The following PLD4 variants were observed in gnomAD, a reference collection of about 807,000 sequenced individuals.
PLD4 encodes 5'-3' exonuclease PLD4.
In PLD4, 54 loss-of-function variants were observed where a neutral mutation model predicts 52.3. The ratio of observed to expected loss-of-function variants is 1.03; its 90% confidence interval spans 0.83 to 1.30. The LOEUF (loss-of-function observed/expected upper bound fraction) is 1.30. PLD4 is among the 50% of genes most tolerant of loss of function. The probability of loss-of-function intolerance (pLI) is 0.00; values close to 1 mark genes in which losing one functional copy is unlikely to be tolerated. For missense variants in PLD4, 731 were observed against 671.1 expected (o/e 1.09, Z -0.99); for synonymous variants, 264 against 286.5 (o/e 0.92, Z 0.79).
At chr14:104,925,771 G>A (rs1411125811) in intron 1 of PLD4, among the ~76,000 whole-genome samples, 2 of 152,052 alleles carry the variant, frequency 1.3e-5, no homozygotes, top group African/African-American at 4.8e-5. Context: ...CCTCTGTGGG[G>A]TGGGGGGAGC....
chr14:104,929,945 C>G lies in PLD4; in HGVS notation c.590-33C>G, dbSNP rs747447906. The G allele has an allele frequency of 4.3e-6, 7 of 1,611,696 alleles. No individual in the cohort carries two copies. The Admixed American group carries it at 1.2e-4, about 27-fold the overall frequency. The stretch of plus-strand genomic sequence containing the variant: ...CCATGAAGCTAGCACTTAGCAAGAC[C>G]TAGTTCATCCCATTGCCTGAACTCT... On this transcript the variant is annotated intron_variant, in intron 5 of 10. Transcript: ENST00000392593.
intron 5 of PLD4, 143 bp from the exon 6 acceptor site, chr14:104,929,834 TG>T: frequency 1.0e-6 from 1 of 966,828 alleles, no homozygotes; most frequent in Non-Finnish European, 1.5e-6. Flanking sequence ...ACCTATAAAA[TG>T]GGGATGAGGA....
At position 104,930,816 on chromosome 14, in the gene PLD4, C is replaced by T. The variant is rs773523411; in HGVS notation, c.792C>T (p.Tyr264=). 9.3e-6 allele frequency: 15 copies of T among 1,613,436 alleles called. No homozygotes were observed. Among genetic ancestry groups the T allele is most frequent in the Non-Finnish European group, 1.2e-5 (14 of 1,180,024 alleles). ...AQDLEKTFQT[Y]WVLGVPKAVL... ...ACCTGGAGAAGACCTTCCAGACCTA[C>T]TGGGTACTGGGGGTGCCCAAGGCTG... Residue 264 remains tyrosine (Y), a synonymous_variant, in exon 7 of 11, where the codon TAC becomes TAT. Transcript: ENST00000392593.
Position 104,928,944 on chromosome 14 carries a change from C to G in PLD4, c.468+12C>G, listed in dbSNP as rs1389251971. 2 of 1,578,736 alleles carry G rather than the reference C, an allele frequency of 1.3e-6. No individual in the cohort carries two copies. The highest frequency in any genetic ancestry group is 2.7e-5 in the African/African-American group (2 of 74,276). ...CGTCTTCCCAGCTGGTGCGCCCCGCCCTGGCCCCACCGCATCCTGGTGCTG... is the reference window on the plus strand; with the variant it reads ...CGTCTTCCCAGCTGGTGCGCCCCGCGCTGGCCCCACCGCATCCTGGTGCTG... On this transcript the variant is annotated intron_variant, in intron 4 of 10. Coordinates refer to ENST00000392593, the MANE Select transcript of PLD4 (RefSeq NM_138790.5).
chr14:104,930,820 G>A lies in PLD4; in HGVS notation c.796G>A (p.Val266Ile), dbSNP rs371082417. 6.8e-6 allele frequency: 11 copies of A among 1,613,434 alleles called. No individual in the cohort carries two copies. The African/African-American group carries it at 1.3e-4, about 20-fold the overall frequency. ...GGAGAAGACCTTCCAGACCTACTGG[G>A]TACTGGGGGTGCCCAAGGCTGTCCT... ...DLEKTFQTYWVLGVPKAVLPK... is the reference protein window; with the variant it reads ...DLEKTFQTYWILGVPKAVLPK... The change falls in exon 7 of 11, where the codon GTA (valine) becomes ATA (isoleucine). Residue 266 changes from valine to isoleucine, a missense_variant. Val to Ile is a conservative substitution (Grantham distance 29, BLOSUM62 3). Coordinates refer to ENST00000392593, the MANE Select transcript of PLD4 (RefSeq NM_138790.5).
chr14:104,926,938 C>T (rs1020179), intron 1 of PLD4, among the ~76,000 whole-genome samples: 4,096 of 152,296 alleles, frequency 0.027, 196 homozygotes, highest in African/African-American at 0.093. Context: ...TGGCCGGCTG[C>T]GGGCTCCAAC....
downstream of PLD4, chr14:104,933,517 C>CTTGG: frequency 6.6e-6 from 1 of 150,406 alleles, no homozygotes; most frequent in South Asian, 2.1e-4. Flanking sequence ...GCGGAGCCCA[C>CTTGG]GCCCGGGACT....
At chr14:104,927,893 G>A in intron 3 of PLD4, 27 bp downstream of exon 3, 1 of 1,525,264 alleles carries the variant, frequency 6.6e-7, no homozygotes, top group Non-Finnish European at 8.8e-7. Context: ...AGGCCTGCGG[G>A]GGCAGGTCTC....
At chr14:104,927,978 C>T (rs1897515933) in intron 3 of PLD4, 112 bp downstream of exon 3, 1 of 1,205,108 alleles carries the variant, frequency 8.3e-7, no homozygotes, top group African/African-American at 1.5e-5. Context: ...CCAGCTCCTC[C>T]AGGAAGGTGC....
intron 6 of PLD4, chr14:104,930,486 T>A: frequency 3.4e-6 from 2 of 584,800 alleles, no homozygotes; most frequent in Non-Finnish European, 6.1e-6. Context: ...AATGGCTTGA[T>A]GCATTTTCTA....
chr14:104,932,450 G>T lies in PLD4; in HGVS notation c.1321+95G>T, dbSNP rs2582533. The T allele has an allele frequency of 7.3e-6, 10 of 1,373,258 alleles. No homozygotes were observed. In the Admixed American group the frequency reaches 1.1e-4, roughly 15 times the overall value. The allele number at this position is 1,373,258 out of a possible 1,614,324, so 85.1% of individuals were successfully genotyped here. ...TGTGACCGGCGTGGACACCTCAGGA[G>T]GGAGGGGCTGCTGCTGAAGGGGGAC... On this transcript the variant is annotated intron_variant, in intron 10 of 10. Transcript: ENST00000392593. The surrounding 1 kb of genome is among the most constrained non-coding windows in gnomAD (Gnocchi z 6.5).
downstream of PLD4, chr14:104,935,626 C>T (rs930615491): frequency 1.3e-5 from 2 of 152,176 alleles, no homozygotes; most frequent in East Asian, 1.9e-4. Flanking sequence ...GGATGTCACT[C>T]CTGTGACACC....
At chr14:104,929,100 T>G (rs1393892482) in intron 4 of PLD4, 168 bp downstream of exon 4, 1 of 1,174,546 alleles carries the variant, frequency 8.5e-7, no homozygotes. Flanking sequence ...ACAGCAGAGG[T>G]GTCAAGGAGC....
chr14:104,927,119 G>A (rs369297776), intron 1 of PLD4, 22 bp from the exon 2 acceptor site: 230 of 1,529,088 alleles, frequency 1.5e-4, no homozygotes, highest in Non-Finnish European at 1.9e-4. Context: ...AGCTGCTGGT[G>A]ATGCCAGGCT....
rs909335390 is a variant in PLD4, at chr14:104,926,527, G to A, written c.1-614G>A. On this transcript the variant is annotated intron_variant, in intron 1 of 10. Transcript: ENST00000392593. The stretch of plus-strand genomic sequence containing the variant: ...CCAGCAGTAGGGGTCCCACTCTGCC[G>A]CCATCTCTGCCCTCTCCACGCCTAG... 1.1e-4 allele frequency among the ~76,000 whole-genome samples: 17 copies of A among 152,192 alleles called. No homozygotes were observed. The East Asian group carries it at 1.5e-3, about 14-fold the overall frequency.
intron 1 of PLD4, 174 bp from the exon 2 acceptor site, chr14:104,926,967 C>G: frequency 2.0e-6 from 1 of 490,528 alleles, no homozygotes; most frequent in South Asian, 5.6e-5. Flanking sequence ...GGCTTGTCCT[C>G]GTGGAAAGCA....
chr14:104,928,985 AG>A, intron 4 of PLD4, 53 bp downstream of exon 4: 1 of 1,549,226 alleles, frequency 6.5e-7, no homozygotes, highest in Non-Finnish European at 8.8e-7. Context: ...ACAGCAAGTC[AG>A]GCTGCCTATC....
rs760918977 is a variant in PLD4, at chr14:104,932,146, G to C, written c.1193G>C (p.Ser398Thr). 1.4e-5 allele frequency: 23 copies of C among 1,611,150 alleles called. No homozygotes were observed. Among genetic ancestry groups the C allele is most frequent in the Non-Finnish European group, 1.9e-5 (22 of 1,179,192 alleles). ...FPYLRSLQAL[S>T]NPAANVSVDV... ...TACCTGCGGTCCCTGCAGGCGCTCA[G>C]CAACCCCGCGGCCAACGTCTCTGTG... Residue 398 changes from serine (S) to threonine (T), a missense_variant, in exon 9 of 11, where the codon AGC becomes ACC. Physicochemically the swap from Ser to Thr is moderately conservative, Grantham distance 58 (BLOSUM62 1). Coordinates refer to ENST00000392593, the MANE Select transcript of PLD4 (RefSeq NM_138790.5). This position sits in a 1 kb window ranked among gnomAD's most constrained non-coding sequence, Gnocchi z 6.5.
intron 7 of PLD4, 127 bp downstream of exon 7, chr14:104,931,069 C>T: frequency 9.3e-7 from 1 of 1,077,708 alleles, no homozygotes. Flanking sequence ...AGGCAGCCAG[C>T]ACCATGGGTG....
Sources: gnomAD v4.1 joint callset for allele counts (sites outside exome capture counted in the v4.1 genomes callset) on GRCh38, gnomAD v4.1.1 for gene constraint, Gnocchi (gnomAD v3.1) non-coding constraint, MANE v1.5 for transcripts, NCBI Gene and HGNC (gene_info 2026-07-23, HGNC 2026-07-21) for gene names.